Variants in MPPED1 observed in about 807,000 individuals in gnomAD.
MPPED1 encodes metallophosphoesterase domain-containing protein 1.
In MPPED1, 16 loss-of-function variants were observed where a neutral mutation model predicts 36.2. The ratio of observed to expected loss-of-function variants is 0.44; its 90% confidence interval spans 0.30 to 0.67. The LOEUF (loss-of-function observed/expected upper bound fraction) is 0.67. MPPED1 is among the 30% of genes least tolerant of loss of function. The probability of loss-of-function intolerance (pLI) is 0.10; values close to 1 mark genes in which losing one functional copy is unlikely to be tolerated. For synonymous variants in MPPED1, 199 were observed against 191.3 expected, an observed-to-expected ratio of 1.04 and a Z score of -0.33; for missense variants, 307 against 453.4, an observed-to-expected ratio of 0.68 and a Z score of 2.93.
chr22:43,441,656 G>A (rs1005741122), intron 3 of MPPED1, among the ~76,000 whole-genome samples: 4 of 152,192 alleles, frequency 2.6e-5, no homozygotes, highest in East Asian at 1.9e-4. Context: ...TTGCACTGGC[G>A]CCTGAGCATA....
intron 5 of MPPED1, 83 bp downstream of exon 5, chr22:43,498,433 T>C (rs770317813): frequency 2.5e-4 from 276 of 1,105,056 alleles, no homozygotes; most frequent in Middle Eastern, 4.1e-4. Context: ...GCTGGGCCTG[T>C]ATAGGGGAGC....
intron 6 of MPPED1, 97 bp from the exon 7 acceptor site, chr22:43,505,401 C>A: frequency 9.4e-7 from 1 of 1,059,110 alleles, no homozygotes; most frequent in Non-Finnish European, 1.4e-6. Context: ...CAAACACATT[C>A]AGCCCACAGG....
At chr22:43,454,002 A>ATATTTATT (rs563690871) in intron 3 of MPPED1, among the ~76,000 whole-genome samples, 8 of 151,632 alleles carry the variant, frequency 5.3e-5, no homozygotes, top group Non-Finnish European at 8.8e-5. Flanking sequence ...TAAAATTTAA[A>ATATTTATT]TATTTATTTA....
intron 3 of MPPED1, among the ~76,000 whole-genome samples, chr22:43,466,668 A>T (rs979637620): frequency 4.6e-5 from 7 of 152,164 alleles, no homozygotes; most frequent in Non-Finnish European, 1.0e-4. Context: ...CACAGCCCAC[A>T]GTAGAGTGGA....
chr22:43,449,422 A>ACCCCCCCCCCCCCCCCCCCCCCCC (rs135045), intron 3 of MPPED1, among the ~76,000 whole-genome samples: 2 of 127,328 alleles, frequency 1.6e-5, no homozygotes, highest in Non-Finnish European at 3.3e-5. Context: ...GACAGTGCCA[A>ACCCCCCCCCCCCCCCCCCCCCCCC]CCCCCCCCGC....
At chr22:43,461,486 T>C (rs895601137) in intron 3 of MPPED1, among the ~76,000 whole-genome samples, 3 of 152,192 alleles carry the variant, frequency 2.0e-5, no homozygotes, top group Admixed American at 6.5e-5. Flanking sequence ...TTTGACAACT[T>C]TTGCCAGTGT....
chr22:43,415,225 C>CAAAAAAAAAAAAAAAAAAAAAAGAA (rs1929038673), intron 1 of MPPED1, among the ~76,000 whole-genome samples: 1 of 49,412 alleles, frequency 2.0e-5, no homozygotes, highest in Non-Finnish European at 3.5e-5. Flanking sequence ...ATGTCAAAAG[C>CAAAAAAAAAAAAAAAAAAAAAAGAA]AAAAAAAAAA....
intron 4 of MPPED1, among the ~76,000 whole-genome samples, chr22:43,476,498 CAG>C (rs1378263320): frequency 6.6e-6 from 1 of 152,128 alleles, no homozygotes; most frequent in African/African-American, 2.4e-5. Flanking sequence ...GGAAGGACTT[CAG>C]AGAGAGCTAC....
intron 1 of MPPED1, among the ~76,000 whole-genome samples, chr22:43,414,191 A>G (rs1321259083): frequency 6.6e-6 from 1 of 152,212 alleles, no homozygotes; most frequent in African/African-American, 2.4e-5. Flanking sequence ...GCCTGCTTTT[A>G]ATAAATTCCC....
Position 43,502,197 on chromosome 22 carries a change from G to A in MPPED1, c.749-447G>A, listed in dbSNP as rs1019473269. Among the ~76,000 whole-genome samples, 7 of 152,086 alleles carry A rather than the reference G, an allele frequency of 4.6e-5. No homozygotes were observed. The highest frequency in any genetic ancestry group is 1.2e-4 in the African/African-American group (5 of 41,420). On this transcript the variant is annotated intron_variant, in intron 5 of 6. Transcript: ENST00000443721. This position sits in a 1 kb window ranked among gnomAD's most constrained non-coding sequence, Gnocchi z 5.5. ...TTCTGACATGGAAATCTCACTCCTG[G>A]GCTGTGTATCAGGACGCCCTGCTCT...
At chr22:43,463,358 A>C (rs1415449347) in intron 3 of MPPED1, among the ~76,000 whole-genome samples, 1 of 125,402 alleles carries the variant, frequency 8.0e-6, no homozygotes, top group Non-Finnish European at 1.6e-5. Context: ...TTGAGACAGG[A>C]TCTTGCTCTG....
At chr22:43,444,077 C>T (rs1432346538) in intron 3 of MPPED1, among the ~76,000 whole-genome samples, 2 of 152,042 alleles carry the variant, frequency 1.3e-5, no homozygotes, top group Non-Finnish European at 2.9e-5. Context: ...ACAAGCCATG[C>T]TGTGTTGTAG....
At chr22:43,441,078 T>C (rs1174072159) in intron 3 of MPPED1, among the ~76,000 whole-genome samples, 1 of 152,072 alleles carries the variant, frequency 6.6e-6, no homozygotes, top group Non-Finnish European at 1.5e-5. Flanking sequence ...TCCATCTCTC[T>C]CATCCAGCCA....
At chr22:43,413,545 C>T (rs1013072634) in intron 1 of MPPED1, among the ~76,000 whole-genome samples, 11 of 152,180 alleles carry the variant, frequency 7.2e-5, no homozygotes, top group African/African-American at 2.7e-4. Flanking sequence ...TTCGGCCGGG[C>T]TGAGGCAGGG....
chr22:43,474,863 G>A lies in MPPED1; in HGVS notation c.534G>A (p.Pro178=), dbSNP rs34665977. ...TCCCATCTGTGTCGAAGCTGAAGCCGGAGAACTATGAGAATGTGCAGTCGC... is the reference window on the plus strand; with the variant it reads ...TCCCATCTGTGTCGAAGCTGAAGCCAGAGAACTATGAGAATGTGCAGTCGC... ...YYFPSVSKLK[P]ENYENVQSLL... The change falls in exon 4 of 7, where the codon CCG becomes CCA. Residue 178 remains proline, a synonymous_variant. Transcript: ENST00000443721. The surrounding 1 kb of genome is among the most constrained non-coding windows in gnomAD (Gnocchi z 5.2). 0.035 allele frequency: 56,711 copies of A among 1,614,002 alleles called. 1,186 individuals carry two copies. The highest frequency in any genetic ancestry group is 0.074 in the Admixed American group (4,412 of 60,018).
At chr22:43,420,821 T>C (rs1929245351) in intron 1 of MPPED1, among the ~76,000 whole-genome samples, 1 of 152,180 alleles carries the variant, frequency 6.6e-6, no homozygotes, top group South Asian at 2.1e-4. Context: ...TACTTTATTG[T>C]CCCCCCTCCA....
chr22:43,425,240 G>A (rs781347473), intron 2 of MPPED1, 31 bp downstream of exon 2: 5 of 1,555,108 alleles, frequency 3.2e-6, no homozygotes, highest in Non-Finnish European at 4.4e-6. Flanking sequence ...GGGGGTGGGG[G>A]CGGTGACGGC....
chr22:43,470,352 T>C (rs1256907526), intron 3 of MPPED1, among the ~76,000 whole-genome samples: 1 of 152,062 alleles, frequency 6.6e-6, no homozygotes, highest in Admixed American at 6.5e-5. Context: ...CATGTATGCA[T>C]CTATATATCT....
intron 5 of MPPED1, among the ~76,000 whole-genome samples, chr22:43,499,544 GT>G (rs1957591252): frequency 2.2e-5 from 3 of 136,826 alleles, no homozygotes; most frequent in African/African-American, 2.8e-5. Context: ...GGTGGTGATG[GT>G]GGGTGGTGGT....
Sources: allele counts gnomAD v4.1 joint callset (sites outside exome capture counted in the v4.1 genomes callset), GRCh38; gene constraint gnomAD v4.1.1; non-coding constraint Gnocchi (gnomAD v3.1); transcripts MANE v1.5; gene names NCBI Gene and HGNC (gene_info 2026-07-23, HGNC 2026-07-21).